Variants in STXBP5L observed in about 807,000 individuals in gnomAD.
STXBP5L encodes syntaxin-binding protein 5-like.
A neutral mutation model predicts 144.5 loss-of-function variants in STXBP5L; 65 were observed. That is an observed-to-expected ratio of 0.45 (90% CI 0.37 to 0.55). The LOEUF (loss-of-function observed/expected upper bound fraction) is 0.55, where lower values mean the gene tolerates loss of function less well. Among genes scored for constraint, STXBP5L ranks in the 20% least tolerant of loss-of-function variants. The probability of loss-of-function intolerance (pLI) is 0.00; values close to 1 mark genes in which losing one functional copy is unlikely to be tolerated. For missense variants in STXBP5L, 1,298 were observed against 1,405.5 expected, an observed-to-expected ratio of 0.92 and a Z score of 1.22; for synonymous variants, 505 against 469.6, an observed-to-expected ratio of 1.08 and a Z score of -0.97.
intron 2 of STXBP5L, among the ~76,000 whole-genome samples, chr3:120,915,018 G>A (rs1481242180): frequency 6.6e-6 from 1 of 152,068 alleles, no homozygotes; most frequent in Non-Finnish European, 1.5e-5. Context: ...AAATTTTAAA[G>A]TTACCTAGAG....
intron 3 of STXBP5L, among the ~76,000 whole-genome samples, chr3:121,024,194 C>G (rs959252166): frequency 1.3e-5 from 2 of 152,168 alleles, no homozygotes; most frequent in African/African-American, 2.4e-5. Context: ...TTGCTGTCCA[C>G]AAGCTTAAAG....
At chr3:121,065,600 G>T (rs1306481479) in intron 5 of STXBP5L, among the ~76,000 whole-genome samples, 1 of 152,118 alleles carries the variant, frequency 6.6e-6, no homozygotes, top group African/African-American at 2.4e-5. Context: ...CAGAGATAGA[G>T]CCTCACTATG....
chr3:120,965,345 CT>C (rs1939430985), intron 3 of STXBP5L, among the ~76,000 whole-genome samples: 1 of 152,128 alleles, frequency 6.6e-6, no homozygotes, highest in South Asian at 2.1e-4. Context: ...GTTTTGTCAG[CT>C]AATTGATGCA....
intron 2 of STXBP5L, among the ~76,000 whole-genome samples, chr3:120,917,512 G>A (rs1305671339): frequency 6.6e-6 from 1 of 152,096 alleles, no homozygotes; most frequent in Non-Finnish European, 1.5e-5. Context: ...GGTAGGGTGG[G>A]GAATAGAGGT....
At chr3:121,345,934 T>A (rs1480937121) in intron 20 of STXBP5L, among the ~76,000 whole-genome samples, 1 of 151,976 alleles carries the variant, frequency 6.6e-6, no homozygotes, top group Non-Finnish European at 1.5e-5. Flanking sequence ...GTTCTTCTAG[T>A]TTTGTTTCTT....
chr3:121,100,964 C>A (rs529622486), intron 5 of STXBP5L, among the ~76,000 whole-genome samples: 57 of 152,032 alleles, frequency 3.7e-4, no homozygotes, highest in African/African-American at 1.4e-3. Context: ...GCTATGAACA[C>A]CTCTATGCAC....
At chr3:121,111,392 G>A (rs73189336) in intron 5 of STXBP5L, among the ~76,000 whole-genome samples, 1 of 152,094 alleles carries the variant, frequency 6.6e-6, no homozygotes, top group Non-Finnish European at 1.5e-5. Context: ...TTTGGTCTTC[G>A]AGGCTGCTGA....
chr3:121,000,435 G>A (rs916275141), intron 3 of STXBP5L, among the ~76,000 whole-genome samples: 9 of 152,034 alleles, frequency 5.9e-5, no homozygotes, highest in Admixed American at 2.6e-4. Context: ...TGAAATTCTT[G>A]TGGTGAGTTT....
intron 3 of STXBP5L, among the ~76,000 whole-genome samples, chr3:120,971,808 A>G (rs1041485521): frequency 6.6e-6 from 1 of 151,692 alleles, no homozygotes; most frequent in African/African-American, 2.4e-5. Context: ...ACATATATAT[A>G]TATGTCTGTG....
intron 5 of STXBP5L, among the ~76,000 whole-genome samples, chr3:121,082,665 A>G (rs2042307236): frequency 6.6e-6 from 1 of 152,222 alleles, no homozygotes; most frequent in African/African-American, 2.4e-5. Context: ...CAGGAGGGAC[A>G]TGACAGTGTG....
intron 9 of STXBP5L, among the ~76,000 whole-genome samples, chr3:121,184,929 G>T (rs548334149): frequency 3.9e-5 from 6 of 152,100 alleles, no homozygotes; most frequent in East Asian, 1.9e-4. Flanking sequence ...TTAAAGAAAA[G>T]AATTTTCAAC....
intron 19 of STXBP5L, among the ~76,000 whole-genome samples, chr3:121,288,001 C>A (rs1302241068): frequency 3.9e-5 from 6 of 152,196 alleles, no homozygotes; most frequent in Admixed American, 3.9e-4. Flanking sequence ...AATAAAAATA[C>A]AGCAGATGTT....
intron 3 of STXBP5L, among the ~76,000 whole-genome samples, chr3:120,957,551 C>A (rs1938181515): frequency 6.6e-6 from 1 of 151,860 alleles, no homozygotes; most frequent in South Asian, 2.1e-4. Flanking sequence ...ATAATGCCGG[C>A]CTCATAGATG....
intron 5 of STXBP5L, among the ~76,000 whole-genome samples, chr3:121,109,599 T>C (rs1057166948): frequency 6.6e-6 from 1 of 152,052 alleles, no homozygotes; most frequent in South Asian, 2.1e-4. Context: ...GTTATGATTT[T>C]AGTTCTTTTG....
At chr3:121,120,434 A>T (rs2044406522) in intron 6 of STXBP5L, among the ~76,000 whole-genome samples, 2 of 151,258 alleles carry the variant, frequency 1.3e-5, no homozygotes, top group East Asian at 3.9e-4. Flanking sequence ...GCAAATAGTA[A>T]CTCTAATTTC....
intron 3 of STXBP5L, 81 bp downstream of exon 3, chr3:120,955,118 A>G (rs1367270543): frequency 4.0e-6 from 4 of 1,004,904 alleles, no homozygotes; most frequent in South Asian, 1.6e-5. Context: ...ATAAATATTT[A>G]TGACCAAATA....
intron 5 of STXBP5L, among the ~76,000 whole-genome samples, chr3:121,054,909 G>T (rs1696542465): frequency 6.6e-6 from 1 of 152,036 alleles, no homozygotes. Context: ...TGGACAGAGT[G>T]TTTTTATTTC....
chr3:120,979,482 C>CT (rs1262545755), intron 3 of STXBP5L, among the ~76,000 whole-genome samples: 3 of 152,178 alleles, frequency 2.0e-5, no homozygotes, highest in African/African-American at 7.2e-5. Flanking sequence ...AGGGAACTCC[C>CT]TGACCCCTTG....
intron 5 of STXBP5L, among the ~76,000 whole-genome samples, chr3:121,061,193 A>G (rs2041258481): frequency 6.6e-6 from 1 of 152,132 alleles, no homozygotes; most frequent in African/African-American, 2.4e-5. Flanking sequence ...ATTGGTTTCA[A>G]AAAACATCTT....
Sources: gnomAD v4.1 joint callset for allele counts (sites outside exome capture counted in the v4.1 genomes callset) on GRCh38, gnomAD v4.1.1 for gene constraint, MANE v1.5 for transcripts, NCBI Gene and HGNC (gene_info 2026-07-23, HGNC 2026-07-21) for gene names.